Variants in NRG4 observed in about 807,000 individuals in gnomAD.
NRG4 encodes neuregulin 4.
NRG4 carries 10 observed loss-of-function variants against 15.0 expected under a neutral mutation model. The observed-to-expected ratio is 0.67, with a 90% CI of 0.41 to 1.13. NRG4 has a LOEUF of 1.13. NRG4 is among the 50% of genes most tolerant of loss of function. NRG4 has a pLI of 0.00. For synonymous variants in NRG4, 41 were observed against 50.1 expected, an observed-to-expected ratio of 0.82 and a Z score of 0.77; for missense variants, 139 against 140.2, an observed-to-expected ratio of 0.99 and a Z score of 0.04.
At chr15:76,054,130 C>T (rs2036093679) in intron 2 of NRG4, among the ~76,000 whole-genome samples, 2 of 150,682 alleles carry the variant, frequency 1.3e-5, no homozygotes, top group South Asian at 4.2e-4. Flanking sequence ...CACTGTCACC[C>T]AGGCTGGAGT....
At chr15:76,010,922 T>C (rs1483958559) in intron 2 of NRG4, among the ~76,000 whole-genome samples, 2 of 152,236 alleles carry the variant, frequency 1.3e-5, no homozygotes, top group East Asian at 3.9e-4. Flanking sequence ...CTGAATCTAC[T>C]TTTATTCTGA....
At chr15:76,012,900 A>G (rs776755339), upstream of NRG4, among the ~76,000 whole-genome samples, 1 of 152,216 alleles carries the variant, frequency 6.6e-6, no homozygotes, top group Non-Finnish European at 1.5e-5. Context: ...AATGAATAAA[A>G]TCACTGAACT....
At chr15:75,979,349 C>G (rs1304852017) in intron 3 of NRG4, among the ~76,000 whole-genome samples, 1 of 152,082 alleles carries the variant, frequency 6.6e-6, no homozygotes, top group Non-Finnish European at 1.5e-5. Flanking sequence ...TTATACTGTT[C>G]TTTTCTTATC....
At chr15:76,009,720 T>C (rs1405540796) in intron 2 of NRG4, among the ~76,000 whole-genome samples, 1 of 152,126 alleles carries the variant, frequency 6.6e-6, no homozygotes, top group Non-Finnish European at 1.5e-5. Flanking sequence ...ATATCTGAAA[T>C]TGCAGCTGGT....
At chr15:76,025,113 G>A (rs334934) in intron 5 of NRG4, among the ~76,000 whole-genome samples, 122,542 of 152,122 alleles carry the variant, frequency 0.81, 49,722 homozygotes, top group South Asian at 0.9. Context: ...AAAATAGTAC[G>A]CTTAAGGAAA....
chr15:76,017,893 T>G (rs1221932129), intron 5 of NRG4, among the ~76,000 whole-genome samples: 1 of 152,208 alleles, frequency 6.6e-6, no homozygotes, highest in African/African-American at 2.4e-5. Context: ...GTTGGGGAAG[T>G]TCTACTGGAT....
chr15:76,056,137 C>T (rs1365455719), intron 2 of NRG4, among the ~76,000 whole-genome samples: 20 of 152,138 alleles, frequency 1.3e-4, no homozygotes, highest in Admixed American at 1.3e-3. Flanking sequence ...GTCATCTCAA[C>T]AGGATTTTTT....
chr15:76,044,469 A>C (rs2035821414), intron 4 of NRG4, among the ~76,000 whole-genome samples: 1 of 150,792 alleles, frequency 6.6e-6, no homozygotes, highest in Admixed American at 6.6e-5. Flanking sequence ...TACAGGCTTA[A>C]TTCTAAGATG....
At chr15:75,956,794 A>T (rs1202270903) in intron 4 of NRG4, among the ~76,000 whole-genome samples, 1 of 152,232 alleles carries the variant, frequency 6.6e-6, no homozygotes, top group Non-Finnish European at 1.5e-5. Context: ...TCAACCACTA[A>T]TGGACCAAAA....
chr15:75,949,582 T>G (rs528943399), intron 5 of NRG4, among the ~76,000 whole-genome samples: 39 of 152,344 alleles, frequency 2.6e-4, no homozygotes, highest in South Asian at 1.2e-3. Context: ...CACAAAAGTT[T>G]TAAATTTACA....
intron 3 of NRG4, among the ~76,000 whole-genome samples, chr15:75,975,287 G>T (rs2469041): frequency 6.6e-6 from 1 of 152,108 alleles, no homozygotes; most frequent in Non-Finnish European, 1.5e-5. Flanking sequence ...ACACCAGTGA[G>T]TCTTGACTCT....
intron 3 of NRG4, among the ~76,000 whole-genome samples, chr15:75,981,213 C>A (rs1261827327): frequency 6.6e-6 from 1 of 152,156 alleles, no homozygotes; most frequent in African/African-American, 2.4e-5. Flanking sequence ...CTTCCACTGT[C>A]GTCTATTGGA....
At chr15:76,009,607 C>T (rs1483434855) in intron 2 of NRG4, among the ~76,000 whole-genome samples, 1 of 152,046 alleles carries the variant, frequency 6.6e-6, no homozygotes, top group East Asian at 1.9e-4. Context: ...ACAAACAGGG[C>T]CTTTCTCACT....
At chr15:75,980,614 C>T (rs2033568084) in intron 3 of NRG4, among the ~76,000 whole-genome samples, 1 of 152,074 alleles carries the variant, frequency 6.6e-6, no homozygotes, top group Non-Finnish European at 1.5e-5. Flanking sequence ...TCAAAGTTTT[C>T]TTTGGCATCC....
chr15:76,034,073 C>G (rs1005150047), intron 5 of NRG4, among the ~76,000 whole-genome samples: 2 of 152,216 alleles, frequency 1.3e-5, no homozygotes. Context: ...AAAGACAACC[C>G]TACTGTCTCA....
chr15:76,050,443 T>G (rs997652535), intron 4 of NRG4, among the ~76,000 whole-genome samples: 9 of 134,260 alleles, frequency 6.7e-5, no homozygotes, highest in South Asian at 4.7e-4. Flanking sequence ...CTTCGTTTTT[T>G]TTTTTTTTTT....
intron 3 of NRG4, among the ~76,000 whole-genome samples, chr15:75,965,367 A>G (rs2032749302): frequency 6.6e-6 from 1 of 152,230 alleles, no homozygotes; most frequent in Non-Finnish European, 1.5e-5. Context: ...ATGCAAATAG[A>G]AAAAGGCATA....
At chr15:75,990,717 C>T (rs151151704) in intron 3 of NRG4, among the ~76,000 whole-genome samples, 127 of 147,094 alleles carry the variant, frequency 8.6e-4, no homozygotes, top group Admixed American at 2.9e-3. Flanking sequence ...GTCTATGCTC[C>T]GTCATCCAGC....
chr15:75,961,858 A>T lies in NRG4; in HGVS notation c.221T>A (p.Leu74His). ...AAGGAAGTAGAAGGCTCCAATGATA[A>T]GTGTTACTAGGACCGCCAATGCCAC... ...AFVALAVLVTLIIGAFYFLCR... is the reference protein window; with the variant it reads ...AFVALAVLVTHIIGAFYFLCR... The change falls in exon 4 of 6, where the codon CTT (leucine) becomes CAT (histidine). Residue 74 changes from leucine to histidine, a missense_variant. Physicochemically the swap from Leu to His is moderately conservative, Grantham distance 99 (BLOSUM62 -3). Transcript: ENST00000394907. The T allele has an allele frequency of 6.2e-7, 1 of 1,613,444 alleles. No homozygotes were observed. Among genetic ancestry groups the T allele is most frequent in the South Asian group, 1.1e-5 (1 of 90,924 alleles).
Sources: allele counts gnomAD v4.1 joint callset (sites outside exome capture counted in the v4.1 genomes callset), GRCh38; gene constraint gnomAD v4.1.1; transcripts MANE v1.5; gene names NCBI Gene and HGNC (gene_info 2026-07-23, HGNC 2026-07-21).